The following KIF26B variants were observed in gnomAD, a reference collection of about 807,000 sequenced individuals.
The protein encoded by KIF26B is kinesin family member 26B.
In KIF26B, 63 loss-of-function variants were observed where a neutral mutation model predicts 151.2. The observed-to-expected ratio is 0.42, with a 90% CI of 0.34 to 0.51. KIF26B has a LOEUF of 0.51. Among genes scored for constraint, KIF26B ranks in the 20% least tolerant of loss-of-function variants. The pLI is 0.07. For synonymous variants in KIF26B, 1,357 were observed against 1,262.1 expected, an observed-to-expected ratio of 1.08 and a Z score of -1.59; for missense variants, 2,813 against 2,913.6, an observed-to-expected ratio of 0.97 and a Z score of 0.79.
At chr1:245,213,051 G>A (rs1427915081) in intron 2 of KIF26B, among the ~76,000 whole-genome samples, 1 of 152,200 alleles carries the variant, frequency 6.6e-6, no homozygotes, top group Admixed American at 6.5e-5. Flanking sequence ...CAAGGGGGGA[G>A]CAAATAAAAC....
At chr1:245,615,393 G>T (rs775988532) in intron 9 of KIF26B, among the ~76,000 whole-genome samples, 2 of 152,064 alleles carry the variant, frequency 1.3e-5, no homozygotes, top group South Asian at 4.2e-4. Context: ...TTCTGCTTTC[G>T]ATTTGGAATC....
At chr1:245,294,270 C>T (rs1301279050) in intron 2 of KIF26B, among the ~76,000 whole-genome samples, 2 of 152,262 alleles carry the variant, frequency 1.3e-5, no homozygotes, top group South Asian at 2.1e-4. Flanking sequence ...TGTGGTAAGT[C>T]TCCCCCTCTC....
intron 7 of KIF26B, 80 bp from the exon 8 acceptor site, chr1:245,609,186 C>A: frequency 7.5e-7 from 1 of 1,328,822 alleles, no homozygotes; most frequent in Non-Finnish European, 1.0e-6. Flanking sequence ...TCTTCTATAT[C>A]CTTGGCATCT....
intron 3 of KIF26B, among the ~76,000 whole-genome samples, chr1:245,412,800 C>T (rs1017570127): frequency 6.6e-6 from 1 of 152,158 alleles, no homozygotes; most frequent in Non-Finnish European, 1.5e-5. Context: ...AGCTTTATTT[C>T]GATGTGGCCT....
In KIF26B at chr1:245,698,927, A is replaced by T; in HGVS notation, c.6068A>T (p.His2023Leu). 2.5e-6 allele frequency: 4 copies of T among 1,613,996 alleles called. No individual in the cohort carries two copies. The highest frequency in any genetic ancestry group is 3.4e-6 in the Non-Finnish European group (4 of 1,179,886). The stretch of plus-strand genomic sequence containing the variant: ...AATGCAAAGCTGAAGATTCTGGAAC[A>T]CCGCCAGCAGAGGATCGCCGAGGTC... ...CFNAKLKILE[H>L]RQQRIAEVRA... Residue 2023 changes from histidine (H) to leucine (L), a missense_variant, in exon 14 of 15, where the codon CAC becomes CTC. Physicochemically the swap from His to Leu is moderately conservative, Grantham distance 99. Transcript: ENST00000407071. The surrounding 1 kb of genome is among the most constrained non-coding windows in gnomAD (Gnocchi z 4.0).
intron 2 of KIF26B, among the ~76,000 whole-genome samples, chr1:245,331,197 C>T (rs1044444321): frequency 2.6e-5 from 4 of 152,118 alleles, no homozygotes; most frequent in Non-Finnish European, 5.9e-5. Flanking sequence ...CGCGAGTGAC[C>T]GAGACATGGA....
At chr1:245,364,500 C>G (rs564445331) in intron 2 of KIF26B, among the ~76,000 whole-genome samples, 1 of 143,700 alleles carries the variant, frequency 7.0e-6, no homozygotes, top group Non-Finnish European at 1.5e-5. Context: ...GATCTTGGCT[C>G]ACCTCTGCCT....
chr1:245,313,869 C>G (rs1326097035), intron 2 of KIF26B, among the ~76,000 whole-genome samples: 1 of 152,134 alleles, frequency 6.6e-6, no homozygotes, highest in African/African-American at 2.4e-5. Flanking sequence ...AGACTGAGGC[C>G]CATCCTGATT....
chr1:245,513,371 TA>T lies in KIF26B; in HGVS notation c.1167-27387del, dbSNP rs911948492. Among the ~76,000 whole-genome samples, 948 of 150,564 alleles carry T rather than the reference TA, an allele frequency of 6.3e-3. 13 individuals are homozygous for T. Among genetic ancestry groups the T allele is most frequent in the African/African-American group, 0.022 (884 of 41,082 alleles). On this transcript the variant is annotated intron_variant, in intron 4 of 14. Coordinates refer to ENST00000407071, the MANE Select transcript of KIF26B (RefSeq NM_018012.4). ...GACATCGGGAAAACTGCTGAGCAAT[TA>T]AAAAAAAATACTAGAGTCAAGGTGA... is the stretch of plus-strand genomic sequence containing the variant.
intron 2 of KIF26B, among the ~76,000 whole-genome samples, chr1:245,317,804 A>T (rs1671808270): frequency 6.6e-6 from 1 of 152,220 alleles, no homozygotes; most frequent in Non-Finnish European, 1.5e-5. Context: ...TCAACTTGCC[A>T]TGGATGGCAG....
At position 245,157,374 on chromosome 1, in the gene KIF26B, A is replaced by G. The variant is rs541705648; in HGVS notation, c.465+691A>G. Reference sequence around the variant, plus strand: ...CACTGTTGGGTCCAAGTACTATCAAATGATCATATTTACTCGGCCACTTCA... The same window carrying G: ...CACTGTTGGGTCCAAGTACTATCAAGTGATCATATTTACTCGGCCACTTCA... On this transcript the variant is annotated intron_variant, in intron 2 of 14. Coordinates refer to ENST00000407071, the MANE Select transcript of KIF26B (RefSeq NM_018012.4). Among the ~76,000 whole-genome samples the G allele has an allele frequency of 2.7e-4, 41 of 152,334 alleles. 1 individual carries two copies. The highest frequency in any genetic ancestry group is 1.0e-3 in the South Asian group (5 of 4,824).
rs142121231 is a variant in KIF26B at position 245,283,711 on chromosome 1, G to A, written c.466-83123G>A. ...GAGAATTTTTTTTTTTTTTTGAGGC[G>A]GACTCTCACTCTGTCGCCCAGGCTA... On this transcript the variant is annotated intron_variant, in intron 2 of 14. Coordinates refer to ENST00000407071, the MANE Select transcript of KIF26B (RefSeq NM_018012.4). Among the ~76,000 whole-genome samples, 173 of 118,156 alleles carry A rather than the reference G, an allele frequency of 1.5e-3. 1 individual carries two copies. Among genetic ancestry groups the A allele is most frequent in the African/African-American group, 2.4e-3 (74 of 30,664 alleles). 77.5% of individuals were successfully genotyped at this position (118,156 alleles called of 152,430 possible).
chr1:245,253,910 C>T (rs994826550), intron 2 of KIF26B, among the ~76,000 whole-genome samples: 26 of 149,602 alleles, frequency 1.7e-4, no homozygotes, highest in Non-Finnish European at 3.0e-5. Flanking sequence ...CCCGGGTTCA[C>T]GCCATTCTCC....
intron 2 of KIF26B, among the ~76,000 whole-genome samples, chr1:245,249,356 C>A (rs1573732929): frequency 6.6e-6 from 1 of 152,134 alleles, no homozygotes; most frequent in Admixed American, 6.5e-5. Flanking sequence ...GCCTTGGCTT[C>A]CCAAAGTGCT....
In KIF26B at chr1:245,687,765, GACTCC is replaced by G; in HGVS notation, c.4783_4787del (p.Thr1595ProfsTer46). ...ACTGTGTTCTGGCTCGGCCCAAAGG[GACTCC>G]CCCTCTGCCCCCTGTCCGAAAGTCC... is the stretch of plus-strand genomic sequence containing the variant. On this transcript the variant is annotated frameshift_variant, in exon 12 of 15. Coordinates refer to ENST00000407071, the MANE Select transcript of KIF26B (RefSeq NM_018012.4). LOFTEE classifies it high-confidence loss of function. This position sits in a 1 kb window ranked among gnomAD's most constrained non-coding sequence, Gnocchi z 4.9. The G allele has an allele frequency of 6.3e-7, 1 of 1,581,304 alleles. No homozygotes were observed. Among genetic ancestry groups the G allele is most frequent in the Non-Finnish European group, 8.6e-7 (1 of 1,164,282 alleles).
chr1:245,394,312 G>C (rs1673770362), intron 3 of KIF26B, among the ~76,000 whole-genome samples: 1 of 152,166 alleles, frequency 6.6e-6, no homozygotes, highest in South Asian at 2.1e-4. Context: ...ACTTTAACCA[G>C]AAGTATTTTT....
chr1:245,172,218 G>T (rs911163113), intron 2 of KIF26B, among the ~76,000 whole-genome samples: 2 of 148,472 alleles, frequency 1.3e-5, no homozygotes, highest in Non-Finnish European at 3.0e-5. Context: ...CAGTCTGGTG[G>T]GGGGGGTGGG....
intron 2 of KIF26B, among the ~76,000 whole-genome samples, chr1:245,365,571 C>T (rs941452237): frequency 1.3e-5 from 2 of 151,586 alleles, no homozygotes; most frequent in African/African-American, 2.4e-5. Flanking sequence ...GGCTTCTACC[C>T]CATGCAAGCT....
intron 9 of KIF26B, among the ~76,000 whole-genome samples, chr1:245,621,489 G>A (rs1267915746): frequency 6.6e-6 from 1 of 152,186 alleles, no homozygotes; most frequent in Non-Finnish European, 1.5e-5. Context: ...CCTGTGGGTA[G>A]AATAAGGCAT....
Sources: gnomAD v4.1 joint callset for allele counts (sites outside exome capture counted in the v4.1 genomes callset) on GRCh38, gnomAD v4.1.1 for gene constraint, Gnocchi (gnomAD v3.1) non-coding constraint, MANE v1.5 for transcripts, NCBI Gene and HGNC (gene_info 2026-07-23, HGNC 2026-07-21) for gene names.